Variants in MAP3K15 observed in about 807,000 individuals in gnomAD.
MAP3K15 encodes MAPK/ERK kinase kinase 15.
In MAP3K15, 124 loss-of-function variants were observed where a neutral mutation model predicts 99.5. The ratio of observed to expected loss-of-function variants is 1.25; its 90% CI spans 1.08 to 1.45. The LOEUF is 1.45. MAP3K15 is among the 40% of genes most tolerant of loss of function. The pLI, the probability that MAP3K15 is intolerant of heterozygous loss-of-function variation, is 0.00. For missense variants in MAP3K15, 1,242 were observed against 1,079.7 expected, an observed-to-expected ratio of 1.15 and a Z score of -2.11; for synonymous variants, 494 against 439.6, an observed-to-expected ratio of 1.12 and a Z score of -1.55.
chrX:19,417,861 A>C (rs1240878247), intron 9 of MAP3K15, among the ~76,000 whole-genome samples: 1 of 111,897 alleles, frequency 8.9e-6, no homozygotes, highest in Non-Finnish European at 1.9e-5. Flanking sequence ...AGGAATGATC[A>C]GGCAACAACA....
Position 19,398,231 on chromosome X carries a change from A to G in MAP3K15, c.2061T>C (p.Asp687=), listed in dbSNP as rs1432197468. Residue 687 remains aspartate, a synonymous_variant, in exon 15 of 29, where the codon GAT becomes GAC. Transcript: ENST00000338883. ...RIAIKEIPER[D]SRYSQPLHEE... is the part of the protein sequence containing the mutation. The stretch of plus-strand genomic sequence containing the variant: ...GAAGGCCCGCCTGGACTTGCCTGCT[A>G]TCTCTCTCCGGGATTTCTTTGATGG... The G allele has an allele frequency of 1.2e-5, 14 of 1,209,333 alleles. No individual in the cohort carries two copies. Among genetic ancestry groups the G allele is most frequent in the Non-Finnish European group, 1.6e-5 (14 of 894,996 alleles).
At chrX:19,486,557 C>A (rs1279042324) in intron 2 of MAP3K15, 52 bp from the exon 3 acceptor site, 5 of 628,949 alleles carry the variant, frequency 7.9e-6, no homozygotes, top group Non-Finnish European at 1.1e-5. Flanking sequence ...CAGCTAATTT[C>A]CATAAGCATT....
intron 9 of MAP3K15, among the ~76,000 whole-genome samples, chrX:19,417,213 A>G (rs747040710): frequency 1.2e-3 from 132 of 112,489 alleles, no homozygotes; most frequent in African/African-American, 4.1e-3. Context: ...CAGGGGGTGC[A>G]GCGCACCAAG....
chrX:19,464,406 C>A lies in MAP3K15; in HGVS notation c.526G>T (p.Ala176Ser). Residue 176 changes from alanine (A) to serine (S), a missense_variant and splice_region_variant, in exon 4 of 29, where the codon GCA becomes TCA. Physicochemically the swap from Ala to Ser is moderately conservative, Grantham distance 99 (BLOSUM62 1). Transcript: ENST00000338883. Reference protein sequence around the residue: ...LKDMVTQKNTASSGNYYFIPY... With the variant: ...LKDMVTQKNTSSSGNYYFIPY... ...ATGAAATAATAATTTCCACTGGATG[C>A]CTGGAAAAAAGAAACAAAGATGTTC... 1 of 1,171,950 alleles carries A rather than the reference C, an allele frequency of 8.5e-7. No homozygotes were observed. The highest frequency in any genetic ancestry group is 1.1e-6 in the Non-Finnish European group (1 of 876,196).
At chrX:19,471,180 G>T (rs755421555) in intron 3 of MAP3K15, among the ~76,000 whole-genome samples, 2 of 111,705 alleles carry the variant, frequency 1.8e-5, no homozygotes, top group South Asian at 7.5e-4. Flanking sequence ...ACCAACATAT[G>T]TGACACCTAA....
In MAP3K15 at chrX:19,415,223, T is replaced by C; in HGVS notation, c.1474A>G (p.Ile492Val). 1 of 1,181,582 alleles carries C rather than the reference T, an allele frequency of 8.5e-7. No individual in the cohort carries two copies. The highest frequency in any genetic ancestry group is 1.1e-6 in the Non-Finnish European group (1 of 885,582). ...ATAATGGTTTTCTTGAAGCGCCGAA[T>C]TAGTAACAAGTTCTGAACTAATGAT... is the stretch of plus-strand genomic sequence containing the variant. Reference protein sequence around the residue: ...LRSLVQNLLLIRRFKKTIIEH... With the variant: ...LRSLVQNLLLVRRFKKTIIEH... Residue 492 changes from isoleucine (I) to valine (V), a missense_variant, in exon 10 of 29, where the codon ATT (isoleucine) becomes GTT (valine). Ile to Val is a conservative substitution (Grantham distance 29). Coordinates refer to ENST00000338883, the MANE Select transcript of MAP3K15 (RefSeq NM_001001671.4).
At chrX:19,438,621 A>G (rs1372240015) in intron 6 of MAP3K15, among the ~76,000 whole-genome samples, 1 of 111,814 alleles carries the variant, frequency 8.9e-6, no homozygotes, top group African/African-American at 3.3e-5. Flanking sequence ...CTGACTTGCC[A>G]TCAACCATCC....
chrX:19,425,841 G>A (rs1019990129), intron 8 of MAP3K15, among the ~76,000 whole-genome samples, 151 bp from the exon 9 acceptor site: 3 of 112,153 alleles, frequency 2.7e-5, no homozygotes, highest in South Asian at 3.7e-4. Flanking sequence ...CTAGTAGTAC[G>A]GGCACGGTGG....
At chrX:19,430,008 C>T (rs975654081) in intron 7 of MAP3K15, among the ~76,000 whole-genome samples, 1 of 111,753 alleles carries the variant, frequency 8.9e-6, no homozygotes, top group Non-Finnish European at 1.9e-5. Flanking sequence ...GCTATATTCT[C>T]CTGTTCCCTG....
intron 7 of MAP3K15, 69 bp downstream of exon 7, chrX:19,431,369 C>T: frequency 3.0e-6 from 3 of 1,003,643 alleles, no homozygotes; most frequent in South Asian, 4.7e-5. Context: ...AAGAGATGCA[C>T]ATCCTTAGCC....
At chrX:19,494,882 A>G (rs1332044774) in intron 1 of MAP3K15, among the ~76,000 whole-genome samples, 1 of 110,184 alleles carries the variant, frequency 9.1e-6, no homozygotes, top group Non-Finnish European at 1.9e-5. Context: ...TACCTTTAAA[A>G]AAAAAAAAAG....
At chrX:19,401,343 C>G (rs1215686764) in intron 13 of MAP3K15, among the ~76,000 whole-genome samples, 2 of 110,683 alleles carry the variant, frequency 1.8e-5, no homozygotes, top group Non-Finnish European at 3.8e-5. Flanking sequence ...AGACTACAGG[C>G]ACCCATCACC....
At chrX:19,386,336 G>T (rs1447260070) in intron 18 of MAP3K15, among the ~76,000 whole-genome samples, 1 of 111,191 alleles carries the variant, frequency 9.0e-6, no homozygotes, top group Non-Finnish European at 1.9e-5. Context: ...TGTGCCTGTG[G>T]TCCCAGCTAC....
At chrX:19,379,578 G>C (rs1029909312) in intron 19 of MAP3K15, among the ~76,000 whole-genome samples, 1 of 107,922 alleles carries the variant, frequency 9.3e-6, no homozygotes, top group Non-Finnish European at 1.9e-5. Flanking sequence ...CTCCCGAGTA[G>C]CTGGGATTAC....
intron 18 of MAP3K15, among the ~76,000 whole-genome samples, chrX:19,381,880 G>A (rs759142452): frequency 7.3e-4 from 82 of 112,039 alleles, no homozygotes; most frequent in African/African-American, 2.6e-3. Context: ...CCTTGGCCAC[G>A]CATGAATAGA....
rs184956842 is a variant in MAP3K15, at chrX:19,476,299, A to G, written c.525+10183T>C. Among the ~76,000 whole-genome samples the G allele has an allele frequency of 3.6e-3, 407 of 112,274 alleles. 2 individuals are homozygous for G. The highest frequency in any genetic ancestry group is 0.013 in the African/African-American group (401 of 30,926). On this transcript the variant is annotated intron_variant, in intron 3 of 28. Transcript: ENST00000338883. ...ACATCTCAACTGGTGGCACAATGTG[A>G]TACTTTGGAGCTTATATCTTTTAAC...
At chrX:19,446,411 ACTCT>A (rs888565166) in intron 6 of MAP3K15, among the ~76,000 whole-genome samples, 25 of 109,480 alleles carry the variant, frequency 2.3e-4, no homozygotes, top group East Asian at 1.1e-3. Context: ...GGTCCAAATC[ACTCT>A]CTCTCTCTCT....
chrX:19,379,939 T>A (rs1377508327), intron 19 of MAP3K15, among the ~76,000 whole-genome samples, 181 bp downstream of exon 19: 1 of 111,634 alleles, frequency 9.0e-6, no homozygotes, highest in African/African-American at 3.3e-5. Flanking sequence ...TTGCTTTCCA[T>A]CTTTGCAGTC....
intron 14 of MAP3K15, among the ~76,000 whole-genome samples, chrX:19,399,724 G>T (rs1324797733): frequency 1.2e-5 from 1 of 86,028 alleles, no homozygotes; most frequent in Non-Finnish European, 2.2e-5. Flanking sequence ...CAGCAACAGC[G>T]TGAGACTCTG....
Sources: allele counts gnomAD v4.1 joint callset (sites outside exome capture counted in the v4.1 genomes callset), GRCh38; gene constraint gnomAD v4.1.1; transcripts MANE v1.5; gene names NCBI Gene and HGNC (gene_info 2026-07-23, HGNC 2026-07-21).